MAPKAP1: variants seen among roughly 807,000 people sequenced by gnomAD.
The protein encoded by MAPKAP1 is MAPK associated protein 1, also known as target of rapamycin complex 2 subunit MAPKAP1.
A neutral mutation model predicts 65.7 loss-of-function variants in MAPKAP1; 20 were observed. The observed-to-expected ratio is 0.30, with a 90% CI of 0.21 to 0.44. The LOEUF (loss-of-function observed/expected upper bound fraction) is 0.44, where lower values mean the gene tolerates loss of function less well. Ranked by LOEUF, MAPKAP1 falls within the 20% of genes least tolerant of loss-of-function variation. The pLI is 1.00. For synonymous variants in MAPKAP1, 222 were observed against 244.3 expected (o/e 0.91, Z 0.85); for missense variants, 423 against 648.0 (o/e 0.65, Z 3.77).
At chr9:125,497,489 A>G (rs1589237255) in intron 8 of MAPKAP1, among the ~76,000 whole-genome samples, 1 of 152,344 alleles carries the variant, frequency 6.6e-6, no homozygotes, top group Middle Eastern at 3.4e-3. Context: ...TTAGCAAATC[A>G]CTTCACCCCT....
At chr9:125,544,857 T>A (rs1158674560) in intron 6 of MAPKAP1, among the ~76,000 whole-genome samples, 1 of 152,224 alleles carries the variant, frequency 6.6e-6, no homozygotes, top group African/African-American at 2.4e-5. Flanking sequence ...GCCTTAAGCC[T>A]AGGTTGGACC....
intron 1 of MAPKAP1, among the ~76,000 whole-genome samples, chr9:125,706,248 C>T: frequency 6.6e-6 from 1 of 151,910 alleles, no homozygotes. Flanking sequence ...GAGAACGCTG[C>T]TTTTTTTAAA....
chr9:125,695,925 T>C (rs1003719821), intron 1 of MAPKAP1, among the ~76,000 whole-genome samples: 1 of 152,034 alleles, frequency 6.6e-6, no homozygotes, highest in African/African-American at 2.4e-5. Context: ...ACGGGGTTTC[T>C]ACATGTTGGT....
chr9:125,618,140 G>A (rs1395141118), intron 4 of MAPKAP1, among the ~76,000 whole-genome samples: 3 of 151,714 alleles, frequency 2.0e-5, no homozygotes, highest in Admixed American at 1.3e-4. Context: ...TCAGGAGTTC[G>A]AGACCAGCGT....
chr9:125,469,921 T>C (rs770756142), intron 9 of MAPKAP1, among the ~76,000 whole-genome samples: 7 of 152,172 alleles, frequency 4.6e-5, no homozygotes, highest in Non-Finnish European at 7.4e-5. Flanking sequence ...GCCATGGTTG[T>C]CGGGTGTGTG....
chr9:125,594,363 G>C (rs901882180), intron 4 of MAPKAP1, among the ~76,000 whole-genome samples: 5 of 152,154 alleles, frequency 3.3e-5, no homozygotes, highest in African/African-American at 1.2e-4. Context: ...GATGTACACT[G>C]AACAGTAATT....
intron 4 of MAPKAP1, among the ~76,000 whole-genome samples, chr9:125,625,459 G>A (rs1355926787): frequency 6.6e-6 from 1 of 152,106 alleles, no homozygotes; most frequent in African/African-American, 2.4e-5. Context: ...CAGAGCAGCA[G>A]CTGGCTTTTT....
At chr9:125,600,073 G>T (rs972986208) in intron 4 of MAPKAP1, 2 of 152,014 alleles carry the variant, frequency 1.3e-5, no homozygotes, top group African/African-American at 4.8e-5. Context: ...AGCAACTATT[G>T]GTTTAAACAA....
intron 4 of MAPKAP1, among the ~76,000 whole-genome samples, chr9:125,600,234 C>T: frequency 6.7e-6 from 1 of 149,164 alleles, no homozygotes; most frequent in African/African-American, 2.5e-5. Context: ...AAAAAAAAGG[C>T]CAGTCCACTC....
chr9:125,489,445 CG>C (rs1442749557), intron 8 of MAPKAP1, among the ~76,000 whole-genome samples: 3 of 152,106 alleles, frequency 2.0e-5, no homozygotes, highest in Non-Finnish European at 4.4e-5. Flanking sequence ...TGTGTCAAAA[CG>C]CTCAAGCTGC....
intron 9 of MAPKAP1, among the ~76,000 whole-genome samples, chr9:125,478,630 TG>T (rs1264248990): frequency 6.6e-6 from 1 of 152,096 alleles, no homozygotes; most frequent in Admixed American, 6.5e-5. Flanking sequence ...CTGCCCAGTC[TG>T]GGGGTGAATT....
chr9:125,559,855 G>A, intron 5 of MAPKAP1, 46 bp from the exon 6 acceptor site: 1 of 1,568,026 alleles, frequency 6.4e-7, no homozygotes, highest in African/African-American at 1.4e-5. Flanking sequence ...GGTAGGGAAG[G>A]GACAAGAAGA....
chr9:125,688,962 ACT>A, intron 1 of MAPKAP1, among the ~76,000 whole-genome samples: 1 of 151,902 alleles, frequency 6.6e-6, no homozygotes, highest in Non-Finnish European at 1.5e-5. Context: ...TAATCTTCTT[ACT>A]CCACTCCTTA....
chr9:125,550,546 T>C (rs765584925), intron 6 of MAPKAP1, among the ~76,000 whole-genome samples: 46 of 152,234 alleles, frequency 3.0e-4, no homozygotes, highest in African/African-American at 7.7e-4. Context: ...TTTCAAGACA[T>C]TCCAGTGAGC....
intron 3 of MAPKAP1, among the ~76,000 whole-genome samples, chr9:125,668,253 C>T (rs995237442): frequency 6.6e-5 from 10 of 152,184 alleles, no homozygotes; most frequent in Middle Eastern, 3.2e-3. Context: ...TATCACACTT[C>T]CCTCCATGTT....
At chr9:125,690,464 G>A (rs1835132889) in intron 1 of MAPKAP1, among the ~76,000 whole-genome samples, 1 of 152,194 alleles carries the variant, frequency 6.6e-6, no homozygotes, top group African/African-American at 2.4e-5. Context: ...CTTCAAACCT[G>A]GACCTGGCAT....
chr9:125,539,509 T>C (rs1377722224), intron 7 of MAPKAP1, among the ~76,000 whole-genome samples: 1 of 152,234 alleles, frequency 6.6e-6, no homozygotes, highest in Non-Finnish European at 1.5e-5. Flanking sequence ...CAGCAATGTG[T>C]CTGTCATGCC....
chr9:125,636,005 G>GAAC (rs1564594883), intron 4 of MAPKAP1, among the ~76,000 whole-genome samples: 1 of 152,246 alleles, frequency 6.6e-6, no homozygotes, highest in East Asian at 1.9e-4. Flanking sequence ...GGACATGTAT[G>GAAC]AACTCCTGGT....
At chr9:125,642,541 C>T (rs923177699) in intron 4 of MAPKAP1, among the ~76,000 whole-genome samples, 2 of 152,150 alleles carry the variant, frequency 1.3e-5, no homozygotes, top group African/African-American at 4.8e-5. Flanking sequence ...ATCACACACC[C>T]ACCAGCACCA....
Sources: gnomAD v4.1 joint callset for allele counts (sites outside exome capture counted in the v4.1 genomes callset) on GRCh38, gnomAD v4.1.1 for gene constraint, MANE v1.5 for transcripts, NCBI Gene and HGNC (gene_info 2026-07-23, HGNC 2026-07-21) for gene names.